CSMD1: variants seen among roughly 807,000 people sequenced by gnomAD.
The protein encoded by CSMD1 is CUB and Sushi multiple domains 1, also known as CUB and sushi domain-containing protein 1.
CSMD1 carries 213 observed loss-of-function variants against 417.5 expected under a neutral mutation model. The observed-to-expected ratio is 0.51, with a 90% CI of 0.46 to 0.57. The LOEUF is 0.57. CSMD1 is among the 20% of genes least tolerant of loss of function. The probability of loss-of-function intolerance (pLI) is 0.00; values close to 1 mark genes in which losing one functional copy is unlikely to be tolerated. For missense variants in CSMD1, 6,923 were observed against 4,529.7 expected (o/e 1.53, Z -15.17); for synonymous variants, 2,862 against 1,736.8 (o/e 1.65, Z -16.11).
At chr8:4,418,731 A>G (rs565756698) in intron 3 of CSMD1, among the ~76,000 whole-genome samples, 1 of 152,274 alleles carries the variant, frequency 6.6e-6, no homozygotes, top group East Asian at 1.9e-4. Flanking sequence ...ATCAAAACTG[A>G]AAGCTAATAA....
intron 50 of CSMD1, among the ~76,000 whole-genome samples, chr8:3,045,035 T>C (rs1811342136): frequency 6.6e-6 from 1 of 152,108 alleles, no homozygotes. Context: ...CGAATAAAAA[T>C]TAAATCGGTT....
intron 1 of CSMD1, among the ~76,000 whole-genome samples, chr8:4,764,886 A>AC (rs1812348868): frequency 2.5e-5 from 1 of 40,352 alleles, no homozygotes; most frequent in East Asian, 8.8e-4. Flanking sequence ...AAAAAAAAAA[A>AC]AAAAAAAACA....
At chr8:3,921,357 T>C (rs1347232357) in intron 5 of CSMD1, among the ~76,000 whole-genome samples, 1 of 152,106 alleles carries the variant, frequency 6.6e-6, no homozygotes, top group Non-Finnish European at 1.5e-5. Context: ...TTCAGTATTT[T>C]TCATTTTTCT....
chr8:4,947,634 C>T (rs1366555213), intron 1 of CSMD1, among the ~76,000 whole-genome samples: 1 of 152,090 alleles, frequency 6.6e-6, no homozygotes, highest in Non-Finnish European at 1.5e-5. Context: ...TTCCTCCCCC[C>T]AGTGACAGAT....
In CSMD1 at chr8:3,712,539, C is replaced by G. The variant is rs1291023743; in HGVS notation, c.932-4048G>C. ...AGCCTCTTCTTTCTCCTGAATTAAA[C>G]TATTGAGTCATTCATTCTCAGATCT... On this transcript the variant is annotated intron_variant, in intron 6 of 69. Transcript: ENST00000635120. Among the ~76,000 whole-genome samples, 4 of 152,142 alleles carry G rather than the reference C, an allele frequency of 2.6e-5. No individual in the cohort carries two copies. In the South Asian group the frequency reaches 8.3e-4, roughly 32 times the overall value.
At chr8:3,786,693 C>T (rs1422773128) in intron 5 of CSMD1, among the ~76,000 whole-genome samples, 1 of 152,118 alleles carries the variant, frequency 6.6e-6, no homozygotes, top group African/African-American at 2.4e-5. Context: ...AAACGAAAAC[C>T]ATGTATTTCT....
intron 5 of CSMD1, among the ~76,000 whole-genome samples, chr8:3,806,418 A>T (rs6998283): frequency 6.6e-6 from 1 of 152,068 alleles, no homozygotes. Flanking sequence ...GCCCTCAAGC[A>T]TCCTGATACG....
intron 6 of CSMD1, among the ~76,000 whole-genome samples, chr8:3,726,272 C>G (rs1802491236): frequency 6.6e-6 from 1 of 152,194 alleles, no homozygotes; most frequent in Non-Finnish European, 1.5e-5. Flanking sequence ...AGCTAGGCTG[C>G]ACATCGTCTC....
At chr8:4,641,512 T>G (rs1197683289) in intron 1 of CSMD1, among the ~76,000 whole-genome samples, 1 of 152,154 alleles carries the variant, frequency 6.6e-6, no homozygotes, top group Non-Finnish European at 1.5e-5. Context: ...TACTCTTTGT[T>G]GACCGTCTAA....
intron 1 of CSMD1, among the ~76,000 whole-genome samples, chr8:4,769,864 T>C (rs1418126029): frequency 6.6e-6 from 1 of 152,162 alleles, no homozygotes; most frequent in African/African-American, 2.4e-5. Context: ...AATATATGCA[T>C]CCCACCACTA....
At position 3,830,320 on chromosome 8, in the gene CSMD1, C is replaced by G. The variant is rs572023404; in HGVS notation, c.819-76278G>C. ...GGGGCAAACTAAGCGTCAGCCTTCACTTGCCGAATGATTGGTCGTTGGTTC... is the reference window on the plus strand; with the variant it reads ...GGGGCAAACTAAGCGTCAGCCTTCAGTTGCCGAATGATTGGTCGTTGGTTC... On this transcript the variant is annotated intron_variant, in intron 5 of 69. Coordinates refer to ENST00000635120, the MANE Select transcript of CSMD1 (RefSeq NM_033225.6). 3.3e-5 allele frequency among the ~76,000 whole-genome samples: 5 copies of G among 152,330 alleles called. No homozygotes were observed. The East Asian group carries it at 7.7e-4, about 24-fold the overall frequency.
At chr8:3,609,157 T>C (rs1281698035) in intron 8 of CSMD1, among the ~76,000 whole-genome samples, 1 of 152,244 alleles carries the variant, frequency 6.6e-6, no homozygotes, top group Non-Finnish European at 1.5e-5. Context: ...GTTAGCGTTC[T>C]GAATTTCAAC....
chr8:3,951,248 A>G (rs376849283), intron 5 of CSMD1, among the ~76,000 whole-genome samples: 1 of 152,162 alleles, frequency 6.6e-6, no homozygotes, highest in African/African-American at 2.4e-5. Context: ...TCTGACGGTG[A>G]CTGAGGCCAG....
chr8:4,800,546 A>G (rs1049220944), intron 1 of CSMD1, among the ~76,000 whole-genome samples: 4 of 152,244 alleles, frequency 2.6e-5, no homozygotes, highest in Admixed American at 2.6e-4. Context: ...ATTTTTAAGA[A>G]GAGTTTTCTG....
intron 12 of CSMD1, among the ~76,000 whole-genome samples, chr8:3,439,145 AAAAAAAACC>A (rs1814776455): frequency 4.6e-5 from 6 of 129,110 alleles, no homozygotes; most frequent in East Asian, 2.4e-4. Context: ...AAAAAAAAAA[AAAAAAAACC>A]AAGAAAAAAA....
At chr8:4,135,007 A>T (rs1344493567) in intron 3 of CSMD1, among the ~76,000 whole-genome samples, 2 of 152,138 alleles carry the variant, frequency 1.3e-5, no homozygotes, top group Non-Finnish European at 2.9e-5. Flanking sequence ...TGCCTCTAGA[A>T]TTTTTATTGA....
chr8:3,309,468 CAA>C (rs892948484), intron 23 of CSMD1, among the ~76,000 whole-genome samples: 19 of 152,198 alleles, frequency 1.2e-4, no homozygotes, highest in African/African-American at 4.6e-4. Flanking sequence ...CTCTTAAACT[CAA>C]AGAAATAGAT....
At chr8:4,530,027 G>C (rs1796718237) in intron 2 of CSMD1, among the ~76,000 whole-genome samples, 1 of 151,944 alleles carries the variant, frequency 6.6e-6, no homozygotes, top group African/African-American at 2.4e-5. Context: ...CCATTTTCCT[G>C]CCTCAGCCTC....
intron 2 of CSMD1, among the ~76,000 whole-genome samples, chr8:4,570,194 A>G (rs1301092362): frequency 3.3e-5 from 5 of 152,150 alleles, no homozygotes; most frequent in African/African-American, 1.2e-4. Context: ...CAGTGGTGAG[A>G]GAGGGCATCC....
Sources: gnomAD v4.1 joint callset for allele counts (sites outside exome capture counted in the v4.1 genomes callset) on GRCh38, gnomAD v4.1.1 for gene constraint, MANE v1.5 for transcripts, NCBI Gene and HGNC (gene_info 2026-07-23, HGNC 2026-07-21) for gene names.